ARSB: variants seen among roughly 807,000 people sequenced by gnomAD.
The protein encoded by ARSB is N-acetylgalactosamine-4-sulfatase.
Under a neutral mutation model 50.9 loss-of-function variants are expected in ARSB, and 41 were observed. That is an observed-to-expected ratio of 0.81 (90% CI 0.63 to 1.04). The LOEUF (loss-of-function observed/expected upper bound fraction) is 1.04, where lower values mean the gene tolerates loss of function less well. ARSB is among the 50% of genes least tolerant of loss of function. The pLI is 0.00. For synonymous variants in ARSB, 269 were observed against 284.8 expected, an observed-to-expected ratio of 0.94 and a Z score of 0.56; for missense variants, 672 against 693.3, an observed-to-expected ratio of 0.97 and a Z score of 0.35.
At chr5:78,858,677 T>C (rs951515436) in intron 5 of ARSB, among the ~76,000 whole-genome samples, 2 of 152,180 alleles carry the variant, frequency 1.3e-5, no homozygotes, top group Admixed American at 6.5e-5. Flanking sequence ...GCAATGACAA[T>C]ACTTTCTGAG....
At chr5:78,781,806 CT>C (rs1420484632) in intron 7 of ARSB, 45 bp downstream of exon 7, 2 of 1,613,178 alleles carry the variant, frequency 1.2e-6, no homozygotes, top group South Asian at 2.2e-5. Context: ...CACAGCCCTG[CT>C]TTGTCTACCA....
chr5:78,934,512 T>C (rs537704801), intron 4 of ARSB, among the ~76,000 whole-genome samples: 39 of 152,064 alleles, frequency 2.6e-4, no homozygotes, highest in African/African-American at 8.9e-4. Flanking sequence ...AATAGGAAAA[T>C]GAATGAATAG....
At chr5:78,791,464 A>C (rs1431746473) in intron 6 of ARSB, among the ~76,000 whole-genome samples, 1 of 152,256 alleles carries the variant, frequency 6.6e-6, no homozygotes, top group East Asian at 1.9e-4. Context: ...TCTCAAACTG[A>C]AAGTGAGGTT....
chr5:78,855,820 C>T (rs555851343), intron 5 of ARSB, among the ~76,000 whole-genome samples: 7 of 152,244 alleles, frequency 4.6e-5, no homozygotes, highest in Admixed American at 2.6e-4. Flanking sequence ...GGAAACGTTC[C>T]TCCTAGTTCA....
chr5:78,831,027 C>T (rs339036), intron 6 of ARSB, among the ~76,000 whole-genome samples: 80,304 of 151,990 alleles, frequency 0.53, 21,601 homozygotes, highest in African/African-American at 0.59. Flanking sequence ...AAGGAAGTCA[C>T]ATGTGCTCAT....
At chr5:78,856,561 G>C (rs149632991) in intron 5 of ARSB, among the ~76,000 whole-genome samples, 81 of 152,324 alleles carry the variant, frequency 5.3e-4, no homozygotes, top group African/African-American at 1.8e-3. Context: ...AAAAGTGTAT[G>C]TTGTATGTTC....
At chr5:78,897,032 A>G (rs1748594834) in intron 4 of ARSB, among the ~76,000 whole-genome samples, 1 of 151,994 alleles carries the variant, frequency 6.6e-6, no homozygotes, top group East Asian at 1.9e-4. Context: ...TTTGGACTTA[A>G]GGCCATTCTA....
chr5:78,921,076 C>T (rs1038679967), intron 4 of ARSB, among the ~76,000 whole-genome samples: 1 of 152,158 alleles, frequency 6.6e-6, no homozygotes, highest in Non-Finnish European at 1.5e-5. Context: ...TGATCTTTCC[C>T]AAAACCTGGA....
chr5:78,782,768 AG>A (rs1026061357), intron 6 of ARSB, among the ~76,000 whole-genome samples: 2 of 152,226 alleles, frequency 1.3e-5, no homozygotes, highest in African/African-American at 2.4e-5. Context: ...TGTAGCAGAG[AG>A]ATCTTGTTTG....
At chr5:78,851,020 T>A (rs1281319535) in intron 5 of ARSB, among the ~76,000 whole-genome samples, 2 of 152,244 alleles carry the variant, frequency 1.3e-5, no homozygotes, top group Admixed American at 6.5e-5. Context: ...GCTCCTGGAT[T>A]CATTAATTTT....
At chr5:78,969,279 A>G (rs780353425) in intron 1 of ARSB, 87 bp from the exon 2 acceptor site, 7 of 1,382,734 alleles carry the variant, frequency 5.1e-6, no homozygotes, top group Non-Finnish European at 7.2e-6. Context: ...CTTACTGATC[A>G]TATCTGTTGA....
intron 6 of ARSB, among the ~76,000 whole-genome samples, chr5:78,832,660 G>C (rs1744744209): frequency 6.6e-6 from 1 of 152,144 alleles, no homozygotes; most frequent in African/African-American, 2.4e-5. Flanking sequence ...GTGTGAGAGA[G>C]GAGAGGGTGG....
chr5:78,911,572 TAAA>T (rs71001137), intron 4 of ARSB, among the ~76,000 whole-genome samples: 5 of 67,842 alleles, frequency 7.4e-5, no homozygotes, highest in African/African-American at 3.1e-4. Context: ...AGACTCCCTC[TAAA>T]AAAAAAAAAA....
At chr5:78,898,971 T>C (rs924395361) in intron 4 of ARSB, among the ~76,000 whole-genome samples, 1 of 152,238 alleles carries the variant, frequency 6.6e-6, no homozygotes, top group African/African-American at 2.4e-5. Context: ...CTGCCTTTAG[T>C]ATTTCTTGCA....
chr5:78,818,340 G>GATCTCT (rs1744078415), intron 6 of ARSB, among the ~76,000 whole-genome samples: 7 of 152,252 alleles, frequency 4.6e-5, no homozygotes, highest in East Asian at 3.9e-4. Flanking sequence ...ATACAACTAA[G>GATCTCT]GCTGCACAGG....
chr5:78,850,331 C>G (rs1745702530), intron 5 of ARSB, among the ~76,000 whole-genome samples: 1 of 152,100 alleles, frequency 6.6e-6, no homozygotes, highest in South Asian at 2.1e-4. Context: ...TGGTTTTTGT[C>G]TTTGGTTCTG....
intron 4 of ARSB, among the ~76,000 whole-genome samples, chr5:78,951,420 T>G (rs1054481561): frequency 1.3e-5 from 2 of 151,928 alleles, no homozygotes; most frequent in African/African-American, 2.4e-5. Flanking sequence ...TCAACAATAA[T>G]CTATGTTGGA....
chr5:78,955,862 T>C (rs112780912), intron 3 of ARSB, among the ~76,000 whole-genome samples: 79 of 152,342 alleles, frequency 5.2e-4, no homozygotes, highest in African/African-American at 1.8e-3. Flanking sequence ...AGGATGGTGA[T>C]AATTTAAAAA....
chr5:78,861,333 C>A (rs1746425830), intron 5 of ARSB, among the ~76,000 whole-genome samples: 1 of 152,112 alleles, frequency 6.6e-6, no homozygotes, highest in Non-Finnish European at 1.5e-5. Flanking sequence ...AGACCAATAT[C>A]CCTGATGAAC....
Sources: gnomAD v4.1 joint callset for allele counts (sites outside exome capture counted in the v4.1 genomes callset) on GRCh38, gnomAD v4.1.1 for gene constraint, MANE v1.5 for transcripts, NCBI Gene and HGNC (gene_info 2026-07-23, HGNC 2026-07-21) for gene names.